Variants in ACBD5 observed in about 807,000 individuals in gnomAD.
ACBD5 encodes the protein acyl-CoA-binding domain-containing protein 5.
A neutral mutation model predicts 71.8 loss-of-function variants in ACBD5; 40 were observed. The observed-to-expected ratio is 0.56, with a 90% CI of 0.43 to 0.72. The LOEUF is 0.72. Among genes scored for constraint, ACBD5 ranks in the 30% least tolerant of loss-of-function variants. The probability of loss-of-function intolerance (pLI) is 0.00; values close to 1 mark genes in which losing one functional copy is unlikely to be tolerated. For synonymous variants in ACBD5, 229 were observed against 218.6 expected (o/e 1.05, Z -0.42); for missense variants, 559 against 644.5 (o/e 0.87, Z 1.44).
chr10:27,216,342 T>C (rs1490496278), intron 7 of ACBD5, among the ~76,000 whole-genome samples: 2 of 152,228 alleles, frequency 1.3e-5, no homozygotes, highest in East Asian at 3.8e-4. Flanking sequence ...GGTTTCACCA[T>C]GTTGGCCAGG....
chr10:27,231,409 C>G (rs1404742190), intron 4 of ACBD5, among the ~76,000 whole-genome samples: 1 of 152,062 alleles, frequency 6.6e-6, no homozygotes, highest in African/African-American at 2.4e-5. Context: ...CCCAGCTACT[C>G]GGGAGGCTGT....
chr10:27,194,612 A>AAATAATAATAATAATAATAATAAT (rs60916474), downstream of ACBD5, among the ~76,000 whole-genome samples: 1 of 135,592 alleles, frequency 7.4e-6, no homozygotes. Flanking sequence ...ACTCCATCTC[A>AAATAATAATAATAATAATAATAAT]AATAATAATA....
At chr10:27,241,424 C>T (rs2797077), upstream of ACBD5, among the ~76,000 whole-genome samples, 109,975 of 152,054 alleles carry the variant, frequency 0.72, 39,893 homozygotes, top group Non-Finnish European at 0.74. Context: ...TTTCGCTGCC[C>T]TGAGCCAAGA....
At chr10:27,185,655 G>C (rs2058672159) in intron 13 of ACBD5, among the ~76,000 whole-genome samples, 1 of 149,938 alleles carries the variant, frequency 6.7e-6, no homozygotes, top group Non-Finnish European at 1.5e-5. Context: ...AGGCATGGTA[G>C]CACTCACCTG....
intron 9 of ACBD5, among the ~76,000 whole-genome samples, chr10:27,208,816 C>T (rs12762457): frequency 0.63 from 95,114 of 151,734 alleles, 30,071 homozygotes; most frequent in Non-Finnish European, 0.67. Context: ...CCAGCCTGGG[C>T]GACAGAGCGA....
chr10:27,223,406 C>G lies in ACBD5; in HGVS notation c.422G>C (p.Arg141Pro). The G allele has an allele frequency of 6.2e-7, 1 of 1,613,766 alleles. No individual in the cohort carries two copies. The highest frequency in any genetic ancestry group is 8.5e-7 in the Non-Finnish European group (1 of 1,179,996). Residue 141 changes from arginine (R) to proline (P), a missense_variant, in exon 5 of 13, where the codon CGT becomes CCT. By Grantham distance (103) the Arg-to-Pro change is moderately radical. Coordinates refer to ENST00000396271, the MANE Select transcript of ACBD5 (RefSeq NM_145698.5). ...AATTTCATAAAATGGACCTATGACA[C>G]GCAGCAATTCTTCAACTTTCTCAGT... Reference protein sequence around the residue: ...PMTEKVEELLRVIGPFYEIVE... With the variant: ...PMTEKVEELLPVIGPFYEIVE...
intron 4 of ACBD5, among the ~76,000 whole-genome samples, chr10:27,228,509 G>C (rs974608338): frequency 6.6e-6 from 1 of 151,590 alleles, no homozygotes; most frequent in Non-Finnish European, 1.5e-5. Flanking sequence ...CCGAGGAGGC[G>C]GACGTTGCAG....
chr10:27,223,066 A>G (rs1166947381), intron 5 of ACBD5: 2 of 642,436 alleles, frequency 3.1e-6, no homozygotes, highest in East Asian at 5.4e-5. Flanking sequence ...AAGGGTTTAT[A>G]ATGTTTTGGA....
intron 13 of ACBD5, among the ~76,000 whole-genome samples, chr10:27,189,730 C>T (rs1237005404): frequency 6.6e-6 from 1 of 150,750 alleles, no homozygotes; most frequent in South Asian, 2.1e-4. Context: ...CAAACCTGCA[C>T]GTTGTGCACA....
intron 4 of ACBD5, among the ~76,000 whole-genome samples, chr10:27,225,569 C>A (rs183843512): frequency 6.6e-6 from 1 of 152,134 alleles, no homozygotes; most frequent in Non-Finnish European, 1.5e-5. Flanking sequence ...GCTTTAATCA[C>A]AAAATTTCTT....
intron 4 of ACBD5, among the ~76,000 whole-genome samples, chr10:27,225,193 T>C (rs1258425068): frequency 6.6e-6 from 1 of 151,914 alleles, no homozygotes; most frequent in African/African-American, 2.4e-5. Flanking sequence ...GTTCTCACCT[T>C]CAAGCAATTT....
At chr10:27,240,802 G>C, upstream of ACBD5, 1 of 1,468,266 alleles carries the variant, frequency 6.8e-7, no homozygotes, top group East Asian at 2.5e-5. The surrounding 1 kb of genome is among the most constrained non-coding windows in gnomAD (Gnocchi z 4.1). Context: ...CCGTCTGTCA[G>C]TCCGTGCCCT....
chr10:27,224,163 C>T (rs1393172209), intron 4 of ACBD5, among the ~76,000 whole-genome samples: 5 of 147,156 alleles, frequency 3.4e-5, no homozygotes, highest in East Asian at 2.0e-4. Context: ...CCCAGGAGTT[C>T]GAGACTTGCC....
chr10:27,208,394 C>T lies in ACBD5; in HGVS notation c.1256G>A (p.Ser419Asn). Reference protein sequence around the residue: ...SEGTKGRQVGSGGDGERWGSD... With the variant: ...SEGTKGRQVGNGGDGERWGSD... The stretch of plus-strand genomic sequence containing the variant: ...GCCCCAGCGCTCCCCATCACCTCCA[C>T]TTCCCACCTGCCGGCCCTTGGTTCC... Residue 419 changes from serine (S) to asparagine (N), a missense_variant, in exon 10 of 13, where the codon AGT becomes AAT. By Grantham distance (46) the Ser-to-Asn change is conservative. Coordinates refer to ENST00000396271, the MANE Select transcript of ACBD5 (RefSeq NM_145698.5). 2 of 1,614,204 alleles carry T rather than the reference C, an allele frequency of 1.2e-6. No individual in the cohort carries two copies. The highest frequency in any genetic ancestry group is 2.7e-5 in the African/African-American group (2 of 75,068).
chr10:27,202,631 A>C (rs1201094703), intron 12 of ACBD5, among the ~76,000 whole-genome samples: 3 of 152,192 alleles, frequency 2.0e-5, no homozygotes, highest in African/African-American at 7.2e-5. Flanking sequence ...TTCCATCTTA[A>C]GCATAAAATA....
At chr10:27,225,554 G>A (rs12240963) in intron 4 of ACBD5, among the ~76,000 whole-genome samples, 10,466 of 152,198 alleles carry the variant, frequency 0.069, 685 homozygotes, top group African/African-American at 0.17. Context: ...TACTGTGAAA[G>A]GAATGCTTTA....
chr10:27,198,329 A>C (rs2059568367), intron 12 of ACBD5, among the ~76,000 whole-genome samples: 2 of 152,216 alleles, frequency 1.3e-5, no homozygotes, highest in Non-Finnish European at 1.5e-5. Context: ...ATGAGCTATC[A>C]GAAAAGGCTG....
intron 13 of ACBD5, among the ~76,000 whole-genome samples, chr10:27,188,177 G>C (rs960411419): frequency 6.9e-6 from 1 of 145,250 alleles, no homozygotes; most frequent in East Asian, 2.0e-4. Context: ...ATGGGTTAAT[G>C]GTTTTACTGA....
chr10:27,194,959 G>A (rs2059262699), downstream of ACBD5, among the ~76,000 whole-genome samples: 2 of 152,154 alleles, frequency 1.3e-5, no homozygotes, highest in African/African-American at 4.8e-5. Flanking sequence ...TCACGCCACT[G>A]CACTCTAGCC....
Sources: gnomAD v4.1 joint callset for allele counts (sites outside exome capture counted in the v4.1 genomes callset) on GRCh38, gnomAD v4.1.1 for gene constraint, Gnocchi (gnomAD v3.1) non-coding constraint, MANE v1.5 for transcripts, NCBI Gene and HGNC (gene_info 2026-07-23, HGNC 2026-07-21) for gene names.